Variants in SEMG2 observed in about 807,000 individuals in gnomAD.
SEMG2 encodes semenogelin-2.
A neutral mutation model predicts 8.1 loss-of-function variants in SEMG2; 3 were observed. The observed-to-expected ratio is 0.37, with a 90% CI of 0.17 to 0.96. SEMG2 has a LOEUF of 0.96. SEMG2 is among the 40% of genes least tolerant of loss of function. SEMG2 has a pLI of 0.41. For synonymous variants in SEMG2, 252 were observed against 231.4 expected (o/e 1.09, Z -0.81); for missense variants, 726 against 671.2 (o/e 1.08, Z -0.90).
At position 45,223,018 on chromosome 20, in the gene SEMG2, G is replaced by A; in HGVS notation, c.1386G>A (p.Lys462=). Residue 462 remains lysine, a synonymous_variant, in exon 2 of 3, where the codon AAG becomes AAA. Transcript: ENST00000372769. ...GTCAAGATCAAGAGCATGGCCATAA[G>A]GAAAATAAAATGTCATACCAATCTT... ...IPSQDQEHGH[K]ENKMSYQSSS... is the part of the protein sequence containing the mutation. The A allele has an allele frequency of 6.2e-7, 1 of 1,614,090 alleles. No individual in the cohort carries two copies. Among genetic ancestry groups the A allele is most frequent in the Non-Finnish European group, 8.5e-7 (1 of 1,179,994 alleles).
chr20:45,221,512 G>A, intron 1 of SEMG2, 47 bp downstream of exon 1: 2 of 1,605,530 alleles, frequency 1.2e-6, no homozygotes, highest in Non-Finnish European at 1.7e-6. Flanking sequence ...TAAAAAAATG[G>A]CCTCTAAGGA....
At position 45,221,884 on chromosome 20, in the gene SEMG2, A is replaced by G. The variant is rs2233898; in HGVS notation, c.252A>G (p.Gln84=). Reference sequence around the variant, plus strand: ...ATGACTGGACCCGAAAAAGTCAGCAATATGATTTGAATGCCCTACATAAGG... The same window carrying G: ...ATGACTGGACCCGAAAAAGTCAGCAGTATGATTTGAATGCCCTACATAAGG... ...NDHDWTRKSQ[Q]YDLNALHKAT... The change falls in exon 2 of 3, where the codon CAA becomes CAG. Residue 84 remains glutamine (Q), a synonymous_variant. Coordinates refer to ENST00000372769, the MANE Select transcript of SEMG2 (RefSeq NM_003008.3). 272,130 of 1,613,652 alleles carry G rather than the reference A, an allele frequency of 0.17. 24,319 individuals carry two copies. Among genetic ancestry groups the G allele is most frequent in the Middle Eastern group, 0.18 (1,117 of 6,060 alleles).
Position 45,222,394 on chromosome 20 carries a change from T to C in SEMG2, c.762T>C (p.Phe254=). Reference sequence around the variant, plus strand: ...TCCAACATGGACCCAAAGACATTTTTACTACCCAAGATGAGCTCCTAGTAT... The same window carrying C: ...TCCAACATGGACCCAAAGACATTTTCACTACCCAAGATGAGCTCCTAGTAT... ...DRLQHGPKDI[F]TTQDELLVYN... The change falls in exon 2 of 3, where the codon TTT becomes TTC. Residue 254 remains phenylalanine (F), a synonymous_variant. Transcript: ENST00000372769. 6.2e-7 allele frequency: 1 copy of C among 1,614,156 alleles called. No homozygotes were observed. Among genetic ancestry groups the C allele is most frequent in the South Asian group, 1.1e-5 (1 of 91,086 alleles).
In SEMG2 at chr20:45,221,764, G is replaced by C; in HGVS notation, c.132G>C (p.Lys44Asn). The C allele has an allele frequency of 1.9e-6, 3 of 1,612,334 alleles. No homozygotes were observed. Among genetic ancestry groups the C allele is most frequent in the Non-Finnish European group, 2.5e-6 (3 of 1,179,562 alleles). ...CTTCCCAATTTCCACATGGACAAAA[G>C]GGCCAGCACTATTTTGGACAAAAAG... ...SGSSQFPHGQKGQHYFGQKDQ... is the reference protein window; with the variant it reads ...SGSSQFPHGQNGQHYFGQKDQ... Residue 44 changes from lysine (K) to asparagine (N), a missense_variant, in exon 2 of 3, where the codon AAG becomes AAC. By Grantham distance (94) the Lys-to-Asn change is moderately conservative. Transcript: ENST00000372769.
rs1984090896 is a variant in SEMG2, at chr20:45,224,290, G to A, written c.*45-1G>A. ...TATCTGGTTGTCTTTTTTCTCCCTA[G>A]GTGTCACCCGACCTCAGTGAAGTCT... On this transcript the variant is annotated splice_acceptor_variant, in intron 2 of 2. Transcript: ENST00000372769. LOFTEE classifies it low-confidence loss of function (3UTR_SPLICE). 6.6e-6 allele frequency: 1 copy of A among 152,176 alleles called. No individual in the cohort carries two copies. The highest frequency in any genetic ancestry group is 1.9e-4 in the East Asian group (1 of 5,194). The allele number at this position is 152,176 out of a possible 1,614,324, so 9.4% of individuals were successfully genotyped here. A position where few individuals can be genotyped will look rare whatever the true frequency, so the allele number is the denominator to read the frequency against.
chr20:45,222,728 C>T lies in SEMG2; in HGVS notation c.1096C>T (p.Gln366Ter), dbSNP rs1225105734. Residue 366 changes from glutamine to a stop codon, truncating the protein, a stop_gained, in exon 2 of 3, where the codon CAG becomes TAG. Coordinates refer to ENST00000372769, the MANE Select transcript of SEMG2 (RefSeq NM_003008.3). LOFTEE classifies it low-confidence loss of function (END_TRUNC). ...RHLNCGEKGI[Q>*]KGVSKGSISI... ...TCTCAACTGTGGAGAAAAGGGCATC[C>T]AGAAAGGTGTATCCAAAGGCAGTAT... is the stretch of plus-strand genomic sequence containing the variant. 1 of 1,613,330 alleles carries T rather than the reference C, an allele frequency of 6.2e-7. No individual in the cohort carries two copies. The highest frequency in any genetic ancestry group is 8.5e-7 in the Non-Finnish European group (1 of 1,179,912).
At chr20:45,223,543 T>C (rs1984076216) in intron 2 of SEMG2, 118 bp downstream of exon 2, 1 of 522,444 alleles carries the variant, frequency 1.9e-6, no homozygotes, top group Admixed American at 3.6e-5. Context: ...ATATTACAAG[T>C]GGTGGGAAGA....
rs1281128483 is a variant in SEMG2, at chr20:45,222,119, G to GA, written c.493dup (p.Arg165LysfsTer9). ...ATTATCCAGTCAATGTTCAAACACA[G>GA]AAAAAAGGCTATGGGTTCATGGACT... On this transcript the variant is annotated frameshift_variant, in exon 2 of 3. Coordinates refer to ENST00000372769, the MANE Select transcript of SEMG2 (RefSeq NM_003008.3). LOFTEE classifies it low-confidence loss of function (END_TRUNC). 2 of 1,613,022 alleles carry GA rather than the reference G, an allele frequency of 1.2e-6. No homozygotes were observed. The highest frequency in any genetic ancestry group is 1.3e-5 in the African/African-American group (1 of 74,834).
chr20:45,223,384 C>T lies in SEMG2; in HGVS notation c.*3C>T, dbSNP rs1984073392. ...ACAGAAATCCAATATCTACATAGCC[C>T]TGTTGCTTAGCAACCACTTGAAAAG... On this transcript the variant is annotated 3_prime_UTR_variant, in exon 2 of 3. Transcript: ENST00000372769. The T allele has an allele frequency of 1.9e-6, 3 of 1,590,986 alleles. No individual in the cohort carries two copies. The highest frequency in any genetic ancestry group is 2.6e-6 in the Non-Finnish European group (3 of 1,165,126).
At position 45,223,248 on chromosome 20, in the gene SEMG2, G is replaced by T. The variant is rs2145592385; in HGVS notation, c.1616G>T (p.Ser539Ile). 6.2e-7 allele frequency: 1 copy of T among 1,614,126 alleles called. No homozygotes were observed. The highest frequency in any genetic ancestry group is 8.5e-7 in the Non-Finnish European group (1 of 1,180,002). Residue 539 changes from serine (S) to isoleucine (I), a missense_variant, in exon 2 of 3, where the codon AGT (serine) becomes ATT (isoleucine). Ser to Ile is a moderately radical substitution (Grantham distance 142, BLOSUM62 -2). Coordinates refer to ENST00000372769, the MANE Select transcript of SEMG2 (RefSeq NM_003008.3). ...QSADSKQDLL[S>I]HEQKGRYKQE... The stretch of plus-strand genomic sequence containing the variant: ...GCAGATAGCAAACAAGACCTACTCA[G>T]TCATGAACAAAAAGGCAGATACAAA...
Position 45,222,211 on chromosome 20 carries a change from T to C in SEMG2, c.579T>C (p.Ser193=), listed in dbSNP as rs111506690. 24 of 1,614,170 alleles carry C rather than the reference T, an allele frequency of 1.5e-5. 2 individuals carry two copies. The African/African-American group carries it at 2.7e-4, about 18-fold the overall frequency. The part of the protein sequence containing the change: ...KGRTQGGSQS[S]YVLQTEELVV... ...GAACACAAGGTGGATCCCAAAGCAG[T>C]TATGTTCTCCAAACTGAAGAACTAG... The change falls in exon 2 of 3, where the codon AGT becomes AGC. Residue 193 remains serine (S), a synonymous_variant. Coordinates refer to ENST00000372769, the MANE Select transcript of SEMG2 (RefSeq NM_003008.3).
Position 45,222,577 on chromosome 20 carries a change from T to G in SEMG2, c.945T>G (p.Ser315=), listed in dbSNP as rs764864048. ...VQKDVSKGSI[S]IQTEEKIHGK... ...AAGATGTATCCAAAGGCAGCATTTCTATCCAAACTGAAGAGAAAATACATG... is the reference window on the plus strand; with the variant it reads ...AAGATGTATCCAAAGGCAGCATTTCGATCCAAACTGAAGAGAAAATACATG... The change falls in exon 2 of 3, where the codon TCT becomes TCG. Residue 315 remains serine (S), a synonymous_variant. Coordinates refer to ENST00000372769, the MANE Select transcript of SEMG2 (RefSeq NM_003008.3). The G allele has an allele frequency of 1.2e-6, 2 of 1,614,144 alleles. No individual in the cohort carries two copies. The highest frequency in any genetic ancestry group is 1.7e-6 in the Non-Finnish European group (2 of 1,180,028).
intron 1 of SEMG2, 24 bp from the exon 2 acceptor site, chr20:45,221,685 T>C (rs374141494): frequency 3.8e-6 from 6 of 1,559,466 alleles, no homozygotes; most frequent in Non-Finnish European, 5.2e-6. Flanking sequence ...AATGAATGCA[T>C]ACATTTCTAT....
rs963871529 is a variant in SEMG2, at chr20:45,221,746, A to G, written c.114A>G (p.Gln38=). 3 of 1,610,526 alleles carry G rather than the reference A, an allele frequency of 1.9e-6. No individual in the cohort carries two copies. The highest frequency in any genetic ancestry group is 1.1e-5 in the South Asian group (1 of 89,820). Residue 38 remains glutamine (Q), a synonymous_variant, in exon 2 of 3, where the codon CAA becomes CAG. Transcript: ENST00000372769. ...SKGQLPSGSS[Q]FPHGQKGQHY... ...GCCAATTGCCAAGCGGATCTTCCCA[A>G]TTTCCACATGGACAAAAGGGCCAGC...
Position 45,222,342 on chromosome 20 carries a change from C to T in SEMG2, c.710C>T (p.Ser237Leu), listed in dbSNP as rs768855925. The T allele has an allele frequency of 1.2e-6, 2 of 1,614,112 alleles. No individual in the cohort carries two copies. Among genetic ancestry groups the T allele is most frequent in the Admixed American group, 3.3e-5 (2 of 60,020 alleles). ...REEHSSKLQT[S>L]LHPAHQDRLQ... ...GAACATTCAAGTAAACTACAAACTT[C>T]ACTCCATCCTGCACATCAAGACAGA... The change falls in exon 2 of 3, where the codon TCA (serine) becomes TTA (leucine). Residue 237 changes from serine to leucine, a missense_variant. Ser to Leu is a moderately radical substitution (Grantham distance 145). Coordinates refer to ENST00000372769, the MANE Select transcript of SEMG2 (RefSeq NM_003008.3).
chr20:45,223,331 G>C lies in SEMG2; in HGVS notation c.1699G>C (p.Asp567His), dbSNP rs1389069339. 8.7e-6 allele frequency: 14 copies of C among 1,613,940 alleles called. No homozygotes were observed. Among genetic ancestry groups the C allele is most frequent in the Non-Finnish European group, 1.2e-5 (14 of 1,179,900 alleles). The stretch of plus-strand genomic sequence containing the variant: ...TACTGAGCATGAGGTTGCCCAAGAT[G>C]ATCATTTGACACAACAATATAATGA... ...VITEHEVAQD[D>H]HLTQQYNEDR... The change falls in exon 2 of 3, where the codon GAT (aspartate) becomes CAT (histidine). Residue 567 changes from aspartate (D) to histidine (H), a missense_variant. Asp to His is a moderately conservative substitution (Grantham distance 81, BLOSUM62 -1). Coordinates refer to ENST00000372769, the MANE Select transcript of SEMG2 (RefSeq NM_003008.3).
chr20:45,222,653 C>A lies in SEMG2; in HGVS notation c.1021C>A (p.His341Asn), dbSNP rs1984048256. Reference sequence around the variant, plus strand: ...TCATAGTCAAGATCAAGAGCATGGCCATAAGGAAAATAAAATATCATACCA... The same window carrying A: ...TCATAGTCAAGATCAAGAGCATGGCAATAAGGAAAATAAAATATCATACCA... Reference protein sequence around the residue: ...TIHSQDQEHGHKENKISYQSS... With the variant: ...TIHSQDQEHGNKENKISYQSS... The change falls in exon 2 of 3, where the codon CAT becomes AAT. Residue 341 changes from histidine (H) to asparagine (N), a missense_variant. Physicochemically the swap from His to Asn is moderately conservative, Grantham distance 68. Transcript: ENST00000372769. The A allele has an allele frequency of 6.2e-7, 1 of 1,613,630 alleles. No individual in the cohort carries two copies. The highest frequency in any genetic ancestry group is 1.3e-5 in the African/African-American group (1 of 74,896).
In SEMG2 at chr20:45,222,797, CA is replaced by C; in HGVS notation, c.1166del (p.Gln389ArgfsTer2). 1 of 1,614,074 alleles carries C rather than the reference CA, an allele frequency of 6.2e-7. No individual in the cohort carries two copies. ...EEQIHGKSQNQVRIPSQAQEY... is the reference protein window; with the variant it reads ...EEQIHGKSQNXVRIPSQAQEY... Reference sequence around the variant, plus strand: ...GCAAATACATGGCAAGTCTCAAAACCAGGTAAGAATTCCTAGTCAAGCTCAA... The same window carrying C: ...GCAAATACATGGCAAGTCTCAAAACCGGTAAGAATTCCTAGTCAAGCTCAA... On this transcript the variant is annotated frameshift_variant, in exon 2 of 3. Coordinates refer to ENST00000372769, the MANE Select transcript of SEMG2 (RefSeq NM_003008.3). LOFTEE classifies it low-confidence loss of function (END_TRUNC).
In SEMG2 at chr20:45,221,784, A is replaced by G. The variant is rs1222229378; in HGVS notation, c.152A>G (p.Gln51Arg). Reference sequence around the variant, plus strand: ...CAAAAGGGCCAGCACTATTTTGGACAAAAAGACCAACAACATACTAAATCC... The same window carrying G: ...CAAAAGGGCCAGCACTATTTTGGACGAAAAGACCAACAACATACTAAATCC... ...HGQKGQHYFGQKDQQHTKSKG... is the reference protein window; with the variant it reads ...HGQKGQHYFGRKDQQHTKSKG... The change falls in exon 2 of 3, where the codon CAA becomes CGA. Residue 51 changes from glutamine to arginine, a missense_variant. Gln to Arg is a conservative substitution (Grantham distance 43). Coordinates refer to ENST00000372769, the MANE Select transcript of SEMG2 (RefSeq NM_003008.3). 1.2e-6 allele frequency: 2 copies of G among 1,613,986 alleles called. No individual in the cohort carries two copies. Among genetic ancestry groups the G allele is most frequent in the Non-Finnish European group, 1.7e-6 (2 of 1,179,976 alleles).
Sources: gnomAD v4.1 joint callset for allele counts on GRCh38, gnomAD v4.1.1 for gene constraint, MANE v1.5 for transcripts, NCBI Gene and HGNC (gene_info 2026-07-23, HGNC 2026-07-21) for gene names.